Variants in PACSIN1 observed in about 807,000 individuals in gnomAD.
PACSIN1 encodes protein kinase C and casein kinase substrate in neurons 1, also known as protein kinase C and casein kinase substrate in neurons protein 1.
In PACSIN1, 15 loss-of-function variants were observed where a neutral mutation model predicts 59.5. The observed-to-expected ratio is 0.25, with a 90% CI of 0.17 to 0.39. The LOEUF is 0.39. Among genes scored for constraint, PACSIN1 ranks in the 10% least tolerant of loss-of-function variants. PACSIN1 has a pLI of 1.00. For synonymous variants in PACSIN1, 210 were observed against 220.6 expected (o/e 0.95, Z 0.42); for missense variants, 420 against 580.2 (o/e 0.72, Z 2.84).
In PACSIN1 at chr6:34,531,720, G is replaced by A. The variant is rs201372577; in HGVS notation, c.1158G>A (p.Lys386=). The A allele has an allele frequency of 3.1e-6, 5 of 1,610,022 alleles. No individual in the cohort carries two copies. Among genetic ancestry groups the A allele is most frequent in the East Asian group, 4.5e-5 (2 of 44,770 alleles). The stretch of plus-strand genomic sequence containing the variant: ...CCAACCCCTTTGAGGACGACTCCAA[G>A]GGAGTGCGCGTGCGGGCACTCTACG... ...GGANPFEDDS[K]GVRVRALYDY... Residue 386 remains lysine (K), a synonymous_variant, in exon 9 of 10, where the codon AAG becomes AAA. Transcript: ENST00000244458. This position sits in a 1 kb window ranked among gnomAD's most constrained non-coding sequence, Gnocchi z 4.4.
chr6:34,510,748 T>G (rs1767189549), intron 1 of PACSIN1, among the ~76,000 whole-genome samples: 1 of 152,222 alleles, frequency 6.6e-6, no homozygotes, highest in South Asian at 2.1e-4. Context: ...AGAGTCTCGC[T>G]CTCACCTAGG....
chr6:34,504,003 G>T (rs970202137), intron 1 of PACSIN1, among the ~76,000 whole-genome samples: 5 of 151,980 alleles, frequency 3.3e-5, no homozygotes, highest in Admixed American at 6.6e-5. Flanking sequence ...TTTTTGTATA[G>T]ATTTTTTTTA....
Position 34,531,971 on chromosome 6 carries a change from TGAAA to T in PACSIN1, c.1225+187_1225+190del, listed in dbSNP as rs1197053686. Among the ~76,000 whole-genome samples, 10 of 150,980 alleles carry T rather than the reference TGAAA, an allele frequency of 6.6e-5. No individual in the cohort carries two copies. The highest frequency in any genetic ancestry group is 1.3e-4 in the Admixed American group (2 of 15,186). On this transcript the variant is annotated intron_variant, in intron 9 of 9. Transcript: ENST00000244458. This position sits in a 1 kb window ranked among gnomAD's most constrained non-coding sequence, Gnocchi z 4.4. ...TGTGTGGTGGGGCAGGGGTGGTGCC[TGAAA>T]GAGAGGCTTGGGCCTGCATTGGGTG...
At chr6:34,527,136 G>A (rs968289421) in intron 2 of PACSIN1, among the ~76,000 whole-genome samples, 196 bp from the exon 3 acceptor site, 1 of 148,852 alleles carries the variant, frequency 6.7e-6, no homozygotes, top group Non-Finnish European at 1.5e-5. Flanking sequence ...GCAGGGTGCT[G>A]GAGCCTCCGA....
chr6:34,492,853 C>G (rs1766898081), intron 1 of PACSIN1, among the ~76,000 whole-genome samples: 1 of 152,230 alleles, frequency 6.6e-6, no homozygotes, highest in South Asian at 2.1e-4. Context: ...AAACTACCTA[C>G]TGGATAGTAT....
intron 1 of PACSIN1, among the ~76,000 whole-genome samples, chr6:34,506,019 C>T (rs1467433428): frequency 1.3e-5 from 2 of 152,056 alleles, no homozygotes; most frequent in African/African-American, 4.8e-5. Context: ...TTTGTAGTTT[C>T]TACATAATTG....
rs114193605 is a variant in PACSIN1, at chr6:34,503,820, A to G, written c.-63-22423A>G. On this transcript the variant is annotated intron_variant, in intron 1 of 9. Transcript: ENST00000244458. ...ACATGTTAGCCATGCAATTCAATGA[A>G]CTTTACACCTGTGAATACTGCCACC... is the stretch of plus-strand genomic sequence containing the variant. 7.6e-3 allele frequency among the ~76,000 whole-genome samples: 1,151 copies of G among 152,326 alleles called. 24 individuals are homozygous for G. Among genetic ancestry groups the G allele is most frequent in the Middle Eastern group, 0.014 (4 of 294 alleles).
chr6:34,503,768 G>A (rs1767063462), intron 1 of PACSIN1, among the ~76,000 whole-genome samples: 1 of 152,156 alleles, frequency 6.6e-6, no homozygotes, highest in Admixed American at 6.5e-5. Flanking sequence ...AACTTATAAT[G>A]TTATATTTTT....
At chr6:34,490,215 T>C (rs919012731) in intron 1 of PACSIN1, among the ~76,000 whole-genome samples, 15 of 146,620 alleles carry the variant, frequency 1.0e-4, no homozygotes, top group African/African-American at 3.8e-4. Flanking sequence ...CACACCTGGC[T>C]AATTTAAAAA....
intron 1 of PACSIN1, among the ~76,000 whole-genome samples, chr6:34,496,943 T>C (rs867687827): frequency 2.2e-5 from 3 of 135,884 alleles, no homozygotes; most frequent in South Asian, 2.4e-4. Context: ...CTCTCTCTCT[T>C]TTTTTTTTTT....
intron 1 of PACSIN1, among the ~76,000 whole-genome samples, chr6:34,478,459 G>A (rs527921976): frequency 1.4e-5 from 2 of 138,528 alleles, no homozygotes; most frequent in South Asian, 2.3e-4. Context: ...TTCAACCTCC[G>A]ACTCCTGGGT....
intron 2 of PACSIN1, among the ~76,000 whole-genome samples, chr6:34,526,887 A>G: frequency 6.6e-6 from 1 of 152,228 alleles, no homozygotes. Flanking sequence ...AAACTGCCAA[A>G]CCTAAATTAA....
At chr6:34,467,994 G>A (rs966600497) in intron 1 of PACSIN1, among the ~76,000 whole-genome samples, 1 of 152,216 alleles carries the variant, frequency 6.6e-6, no homozygotes, top group Non-Finnish European at 1.5e-5. Flanking sequence ...AAGGCCTGAT[G>A]TGAAGGTCTG....
In PACSIN1 at chr6:34,530,516, G is replaced by A. The variant is rs1188371614; in HGVS notation, c.966G>A (p.Lys322=). The change falls in exon 8 of 10, where the codon AAG becomes AAA. Residue 322 remains lysine (K), a synonymous_variant. Coordinates refer to ENST00000244458, the MANE Select transcript of PACSIN1 (RefSeq NM_020804.5). The surrounding 1 kb of genome is among the most constrained non-coding windows in gnomAD (Gnocchi z 4.4). ...TTTKKEKQPK[K]AEGVALTNAT... ...CCAAGAAGGAGAAACAGCCTAAGAAGGCAGAGGGAGTGGCGCTGACCAATG... is the reference window on the plus strand; with the variant it reads ...CCAAGAAGGAGAAACAGCCTAAGAAAGCAGAGGGAGTGGCGCTGACCAATG... 1 of 1,610,184 alleles carries A rather than the reference G, an allele frequency of 6.2e-7. No homozygotes were observed. Among genetic ancestry groups the A allele is most frequent in the Non-Finnish European group, 8.5e-7 (1 of 1,178,434 alleles).
intron 1 of PACSIN1, among the ~76,000 whole-genome samples, chr6:34,519,337 T>A (rs1767347335): frequency 6.6e-6 from 1 of 152,142 alleles, no homozygotes; most frequent in Admixed American, 6.5e-5. Context: ...TCCTTCCTCC[T>A]CAACTTGGGA....
chr6:34,481,114 C>T (rs1042133926), intron 1 of PACSIN1, among the ~76,000 whole-genome samples: 3 of 151,858 alleles, frequency 2.0e-5, no homozygotes, highest in East Asian at 1.9e-4. Flanking sequence ...GGTGTGATCA[C>T]GGCTCACTGC....
intron 1 of PACSIN1, among the ~76,000 whole-genome samples, chr6:34,504,384 G>A (rs978883168): frequency 4.0e-5 from 6 of 151,086 alleles, no homozygotes; most frequent in Admixed American, 6.6e-5. Context: ...CTCTGCCTCC[G>A]GGTTCAAGCA....
intron 1 of PACSIN1, among the ~76,000 whole-genome samples, chr6:34,523,132 C>T (rs998853713): frequency 8.5e-5 from 13 of 152,224 alleles, no homozygotes; most frequent in Admixed American, 2.6e-4. Context: ...TTCGCTGCTC[C>T]GTGACTCAGT....
chr6:34,479,651 T>G (rs1209007649), intron 1 of PACSIN1, among the ~76,000 whole-genome samples: 1 of 151,814 alleles, frequency 6.6e-6, no homozygotes, highest in Non-Finnish European at 1.5e-5. Flanking sequence ...AGATGGGGAT[T>G]CCCTCTGTTG....
Sources: gnomAD v4.1 joint callset for allele counts (sites outside exome capture counted in the v4.1 genomes callset) on GRCh38, gnomAD v4.1.1 for gene constraint, Gnocchi (gnomAD v3.1) non-coding constraint, MANE v1.5 for transcripts, NCBI Gene and HGNC (gene_info 2026-07-23, HGNC 2026-07-21) for gene names.